Variants in RND1 observed in about 807,000 individuals in gnomAD.
RND1 encodes rho-related GTP-binding protein Rho6.
Under a neutral mutation model 27.1 loss-of-function variants are expected in RND1, and 9 were observed. That is an observed-to-expected ratio of 0.33 (90% CI 0.20 to 0.58). RND1 has a LOEUF of 0.58. RND1 is among the 20% of genes least tolerant of loss of function. RND1 has a pLI of 0.86. For missense variants in RND1, 253 were observed against 292.2 expected (o/e 0.87, Z 0.98); for synonymous variants, 108 against 115.7 (o/e 0.93, Z 0.43).
chr12:48,859,495 G>A (rs903031622), intron 4 of RND1, among the ~76,000 whole-genome samples: 13 of 151,810 alleles, frequency 8.6e-5, no homozygotes, highest in Admixed American at 3.3e-4. Flanking sequence ...AGCTGAGATC[G>A]CACCACTGCA....
chr12:48,861,283 T>A (rs778566076), intron 3 of RND1, 152 bp from the exon 4 acceptor site: 92 of 821,600 alleles, frequency 1.1e-4, no homozygotes, highest in Non-Finnish European at 1.1e-4. Context: ...AGCATCACCG[T>A]TGCACTAATT....
rs1309710065 is a variant in RND1 at position 48,857,149 on chromosome 12, T to G, written c.*847A>C. The G allele has an allele frequency of 6.6e-6, 1 of 152,072 alleles. No homozygotes were observed. The highest frequency in any genetic ancestry group is 1.5e-5 in the Non-Finnish European group (1 of 68,014). 9.4% of individuals were successfully genotyped at this position (152,072 alleles called of 1,614,324 possible). The stretch of plus-strand genomic sequence containing the variant: ...AGAAAAAAATACGGAGCCAAATTCT[T>G]TATATGTATTATATTTTTCATTAAT... On this transcript the variant is annotated 3_prime_UTR_variant, in exon 5 of 5. Transcript: ENST00000309739.
In RND1 at chr12:48,860,256, G is replaced by A. The variant is rs575850600; in HGVS notation, c.453+741C>T. ...ATGCCACCACACCCAGCTACTTTTGGTATTTTTAGTAGAGACAGCGTTTTG... is the reference window on the plus strand; with the variant it reads ...ATGCCACCACACCCAGCTACTTTTGATATTTTTAGTAGAGACAGCGTTTTG... On this transcript the variant is annotated intron_variant, in intron 4 of 4. Transcript: ENST00000309739. Among the ~76,000 whole-genome samples the A allele has an allele frequency of 1.7e-4, 25 of 150,924 alleles. 1 individual carries two copies. Among genetic ancestry groups the A allele is most frequent in the South Asian group, 6.3e-4 (3 of 4,742 alleles).
intron 3 of RND1, among the ~76,000 whole-genome samples, chr12:48,861,712 G>A (rs1938921070): frequency 1.3e-5 from 2 of 152,094 alleles, no homozygotes; most frequent in Non-Finnish European, 2.9e-5. Flanking sequence ...CCCTCATACC[G>A]TATCACCTAA....
chr12:48,865,268 C>A, intron 1 of RND1: 1 of 378,482 alleles, frequency 2.6e-6, no homozygotes, highest in Non-Finnish European at 5.0e-6. Context: ...TGCCTGAAGG[C>A]ACAGGCATAG....
chr12:48,860,191 C>T (rs1220656163), intron 4 of RND1, among the ~76,000 whole-genome samples: 1 of 151,302 alleles, frequency 6.6e-6, no homozygotes, highest in Admixed American at 6.6e-5. Flanking sequence ...TCAAGCGATT[C>T]TCCTGCCTCA....
intron 3 of RND1, among the ~76,000 whole-genome samples, chr12:48,861,740 G>A (rs1231812060): frequency 3.9e-5 from 6 of 152,130 alleles, no homozygotes; most frequent in East Asian, 1.9e-4. Flanking sequence ...CTGACTCTCC[G>A]TCCTCTGCTT....
chr12:48,858,348 T>A, intron 4 of RND1, 107 bp from the exon 5 acceptor site: 1 of 1,265,242 alleles, frequency 7.9e-7, no homozygotes, highest in Non-Finnish European at 1.1e-6. Flanking sequence ...CAGCTGCCAG[T>A]CTCCAAACAC....
intron 2 of RND1, among the ~76,000 whole-genome samples, chr12:48,864,414 TGTGCGC>T (rs1365638520): frequency 1.8e-5 from 2 of 109,232 alleles, no homozygotes; most frequent in Non-Finnish European, 4.1e-5. Flanking sequence ...TGTGTGTGTG[TGTGCGC>T]GCGCGCGCGT....
In RND1 at chr12:48,864,890, A is replaced by G. The variant is rs1438394556; in HGVS notation, c.121-20T>C. On this transcript the variant is annotated intron_variant, in intron 1 of 4. Coordinates refer to ENST00000309739, the MANE Select transcript of RND1 (RefSeq NM_014470.4). The stretch of plus-strand genomic sequence containing the variant: ...ATAGGTCTGTGAAAAGAGAGGAAAC[A>G]TTCACCCCATGCACCCCTACCCTCA... 1 of 1,569,298 alleles carries G rather than the reference A, an allele frequency of 6.4e-7. No individual in the cohort carries two copies. The highest frequency in any genetic ancestry group is 1.4e-5 in the African/African-American group (1 of 74,056).
intron 4 of RND1, chr12:48,859,239 T>C (rs372349756): frequency 6.6e-6 from 1 of 151,880 alleles, no homozygotes; most frequent in East Asian, 2.0e-4. Flanking sequence ...ATTACAGGCG[T>C]GAGCCACCGC....
In RND1 at chr12:48,865,808, G is replaced by C; in HGVS notation, c.-41C>G. The C allele has an allele frequency of 3.2e-6, 5 of 1,549,618 alleles. No homozygotes were observed. Among genetic ancestry groups the C allele is most frequent in the Non-Finnish European group, 4.4e-6 (5 of 1,141,562 alleles). On this transcript the variant is annotated 5_prime_UTR_variant, in exon 1 of 5. Transcript: ENST00000309739. ...GGGACTTGAACTTCGATTCAGAAGG[G>C]AGGGTTGCGCCAGGTGCGTCTCAGC...
In RND1 at chr12:48,865,729, T is replaced by C. The variant is rs1193569180; in HGVS notation, c.39A>G (p.Arg13=). 7 of 1,612,870 alleles carry C rather than the reference T, an allele frequency of 4.3e-6. No homozygotes were observed. The South Asian group carries it at 7.7e-5, about 18-fold the overall frequency. Residue 13 remains arginine, a synonymous_variant, in exon 1 of 5, where the codon AGA becomes AGG. Transcript: ENST00000309739. The part of the protein sequence containing the change: ...ERRAPQPVVA[R]CKLVLVGDVQ... ...CGTCCCCGACCAGAACGAGCTTACA[T>C]CTGGCCACGACTGGCTGGGGGGCCC...
intron 2 of RND1, among the ~76,000 whole-genome samples, chr12:48,862,648 A>C (rs1938932171): frequency 1.3e-5 from 2 of 152,016 alleles, no homozygotes; most frequent in South Asian, 4.1e-4. Flanking sequence ...TTCTCCACCC[A>C]CCCAGATCGG....
Position 48,861,093 on chromosome 12 carries a change from G to T in RND1, c.357C>A (p.Arg119=). 6.2e-7 allele frequency: 1 copy of T among 1,613,852 alleles called. No homozygotes were observed. Among genetic ancestry groups the T allele is most frequent in the Non-Finnish European group, 8.5e-7 (1 of 1,179,796 alleles). ...TEILDYCPST[R]VLLIGCKTDL... is the part of the protein sequence containing the mutation. ...CTGTCTTGCAGCCAATGAGCAAAAC[G>T]CGGGTGCTGGGACAATAATCTAGGA... is the stretch of plus-strand genomic sequence containing the variant. Residue 119 remains arginine (R), a synonymous_variant, in exon 4 of 5, where the codon CGC becomes CGA. Transcript: ENST00000309739.
At chr12:48,865,401 A>C (rs1004718461) in intron 1 of RND1, 15 of 530,408 alleles carry the variant, frequency 2.8e-5, no homozygotes, top group Middle Eastern at 4.7e-4. Context: ...GGTGGAGGGG[A>C]TCTGATGGGT....
chr12:48,862,185 T>G (rs1294085438), intron 2 of RND1, 67 bp from the exon 3 acceptor site: 9 of 915,992 alleles, frequency 9.8e-6, no homozygotes, highest in Admixed American at 2.0e-5. Flanking sequence ...GCCTAAGCCC[T>G]AAAGCCCTGG....
rs541256698 is a variant in RND1 at position 48,862,136 on chromosome 12, G to A, written c.209-18C>T. On this transcript the variant is annotated intron_variant, in intron 2 of 4. Coordinates refer to ENST00000309739, the MANE Select transcript of RND1 (RefSeq NM_014470.4). ...GGGAGATCCTGGTGTAGGCCAGAAA[G>A]AGCTGATGGTGAGCCATGGTGTTTT... 13 of 1,475,904 alleles carry A rather than the reference G, an allele frequency of 8.8e-6. No individual in the cohort carries two copies. Among genetic ancestry groups the A allele is most frequent in the Admixed American group, 5.1e-5 (3 of 59,278 alleles). The allele number at this position is 1,475,904 out of a possible 1,614,324, so 91.4% of individuals were successfully genotyped here. A position where few individuals can be genotyped will look rare whatever the true frequency, so the allele number is the denominator to read the frequency against.
rs1408776259 is a variant in RND1, at chr12:48,861,999, C to A, written c.318+10G>T. 1.4e-6 allele frequency: 2 copies of A among 1,472,492 alleles called. No homozygotes were observed. The highest frequency in any genetic ancestry group is 1.7e-4 in the Middle Eastern group (1 of 5,820). 91.2% of individuals were successfully genotyped at this position (1,472,492 alleles called of 1,614,324 possible). A position where few individuals can be genotyped will look rare whatever the true frequency, so the allele number is the denominator to read the frequency against. On this transcript the variant is annotated intron_variant, in intron 3 of 4. Coordinates refer to ENST00000309739, the MANE Select transcript of RND1 (RefSeq NM_014470.4). Reference sequence around the variant, plus strand: ...CTGAGTTAGAGATTAGAGAGTTGATCTAGTCTTACCTTCTTGAGTGCGCTG... The same window carrying A: ...CTGAGTTAGAGATTAGAGAGTTGATATAGTCTTACCTTCTTGAGTGCGCTG...
Sources: allele counts gnomAD v4.1 joint callset (sites outside exome capture counted in the v4.1 genomes callset), GRCh38; gene constraint gnomAD v4.1.1; transcripts MANE v1.5; gene names NCBI Gene and HGNC (gene_info 2026-07-23, HGNC 2026-07-21).